The following XPC variants were observed in gnomAD, a reference collection of about 807,000 sequenced individuals.
XPC encodes the protein XPC complex subunit, DNA damage recognition and repair factor, also known as DNA repair protein complementing XP-C cells.
In XPC, 76 loss-of-function variants were observed where a neutral mutation model predicts 95.8. The ratio of observed to expected loss-of-function variants is 0.79; its 90% CI spans 0.66 to 0.96. The LOEUF (loss-of-function observed/expected upper bound fraction) is 0.96. XPC is among the 40% of genes least tolerant of loss of function. The pLI is 0.00. For missense variants in XPC, 1,146 were observed against 1,179.8 expected (o/e 0.97, Z 0.42); for synonymous variants, 442 against 442.1 (o/e 1.00, Z 0.00).
Position 14,145,803 on chromosome 3 carries a change from G to C in XPC, c.*138C>G, listed in dbSNP as rs747625767. The C allele has an allele frequency of 9.2e-7, 1 of 1,088,004 alleles. No individual in the cohort carries two copies. The highest frequency in any genetic ancestry group is 1.6e-5 in the African/African-American group (1 of 63,918). 67.4% of individuals were successfully genotyped at this position (1,088,004 alleles called of 1,614,324 possible). ...GCTTGGCCTCGTCTCCCCTGACCCC[G>C]CCTCCGTGCATGCTGCCTCAGTTTG... is the stretch of plus-strand genomic sequence containing the variant. On this transcript the variant is annotated 3_prime_UTR_variant, in exon 16 of 16. Transcript: ENST00000285021.
chr3:14,163,077 T>C (rs113674093), intron 7 of XPC, among the ~76,000 whole-genome samples: 6 of 152,352 alleles, frequency 3.9e-5, no homozygotes, highest in African/African-American at 1.4e-4. Flanking sequence ...TTGACACCCA[T>C]CATAATGACT....
intron 7 of XPC, among the ~76,000 whole-genome samples, chr3:14,162,377 A>G (rs1696200284): frequency 1.3e-5 from 2 of 152,246 alleles, no homozygotes; most frequent in African/African-American, 2.4e-5. Context: ...TGATTTCGCA[A>G]CTTACTACAA....
rs1162432056 is a variant in XPC at position 14,147,986 on chromosome 3, G to A, written c.2436C>T (p.Ile812=). The change falls in exon 14 of 16, where the codon ATC becomes ATT. Residue 812 remains isoleucine, a synonymous_variant. Coordinates refer to ENST00000285021, the MANE Select transcript of XPC (RefSeq NM_004628.5). ...GYSHPVTDGY[I]VCEEFKDVLL... is the part of the protein sequence containing the mutation. ...GCACGTCTTTGAATTCCTCGCAGAC[G>A]ATGTATCCATCAGTCCTGTGGGGAC... 3.8e-6 allele frequency: 6 copies of A among 1,589,408 alleles called. No homozygotes were observed. Among genetic ancestry groups the A allele is most frequent in the South Asian group, 1.1e-5 (1 of 87,410 alleles).
At chr3:14,157,193 T>C (rs1006810785) in intron 9 of XPC, among the ~76,000 whole-genome samples, 2 of 152,196 alleles carry the variant, frequency 1.3e-5, no homozygotes, top group Admixed American at 6.5e-5. Flanking sequence ...CTGTCATTAC[T>C]AAGTAAAATG....
intron 7 of XPC, among the ~76,000 whole-genome samples, chr3:14,162,606 T>G (rs1411800761): frequency 6.6e-6 from 1 of 152,218 alleles, no homozygotes; most frequent in Non-Finnish European, 1.5e-5. Flanking sequence ...ATTGAACACC[T>G]ACCTGATATA....
At chr3:14,151,114 T>C (rs527799993) in intron 11 of XPC, among the ~76,000 whole-genome samples, 3 of 152,104 alleles carry the variant, frequency 2.0e-5, no homozygotes, top group East Asian at 1.9e-4. Flanking sequence ...TTTGAGAGAT[T>C]TGGGATTCCA....
chr3:14,166,143 G>A (rs1696369599), intron 5 of XPC, among the ~76,000 whole-genome samples: 1 of 151,992 alleles, frequency 6.6e-6, no homozygotes, highest in African/African-American at 2.4e-5. Context: ...ATGATTATAT[G>A]ACCTCTTCAC....
intron 5 of XPC, among the ~76,000 whole-genome samples, chr3:14,166,890 T>A (rs890658710): frequency 6.6e-6 from 1 of 152,190 alleles, no homozygotes; most frequent in Admixed American, 6.5e-5. Context: ...ATTAATGACA[T>A]TAAATGGCTG....
In XPC at chr3:14,156,346, C is replaced by T. The variant is rs200278513; in HGVS notation, c.2022G>A (p.Ala674=). 4.5e-5 allele frequency: 73 copies of T among 1,613,494 alleles called. No individual in the cohort carries two copies. Among genetic ancestry groups the T allele is most frequent in the South Asian group, 1.3e-4 (12 of 91,022 alleles). Residue 674 remains alanine, a synonymous_variant, in exon 10 of 16, where the codon GCG becomes GCA. Coordinates refer to ENST00000285021, the MANE Select transcript of XPC (RefSeq NM_004628.5). The stretch of plus-strand genomic sequence containing the variant: ...GCTGCCTCACGCACCTGGAGTAGAC[C>T]GCTTCTCCACGACAATACCCAAGGA... The part of the protein sequence containing the change: ...AAILGYCRGE[A]VYSRDCVHTL...
chr3:14,174,381 A>G (rs1159816656), intron 1 of XPC, among the ~76,000 whole-genome samples: 1 of 151,042 alleles, frequency 6.6e-6, no homozygotes, highest in Non-Finnish European at 1.5e-5. Context: ...TTACAATGGT[A>G]GTTAGCCCTC....
At chr3:14,169,780 C>T (rs995864505) in intron 3 of XPC, among the ~76,000 whole-genome samples, 7 of 152,158 alleles carry the variant, frequency 4.6e-5, no homozygotes, top group African/African-American at 1.7e-4. Context: ...AACATACATT[C>T]AATGTGGCAA....
At position 14,146,040 on chromosome 3, in the gene XPC, T is replaced by C. The variant is rs757354867; in HGVS notation, c.2724A>G (p.Arg908=). 6.2e-7 allele frequency: 1 copy of C among 1,612,752 alleles called. No individual in the cohort carries two copies. Among genetic ancestry groups the C allele is most frequent in the South Asian group, 1.1e-5 (1 of 90,966 alleles). ...TCAGCTTCTGCTTTTCTTCATCTTC[T>C]CGGTTTTGAGGCCAGGAGGCAGCCA... The part of the protein sequence containing the change: ...RILAASWPQN[R]EDEEKQKLKG... Residue 908 remains arginine, a synonymous_variant, in exon 16 of 16, where the codon CGA becomes CGG. Transcript: ENST00000285021.
rs761715466 is a variant in XPC at position 14,164,800 on chromosome 3, G to A, written c.900+13C>T. ...GTACTGATAAAAAACAGTGATCCGG[G>A]AGGATCACTTACATGGACCAATTCC... On this transcript the variant is annotated intron_variant, in intron 7 of 15. Transcript: ENST00000285021. The A allele has an allele frequency of 1.2e-6, 2 of 1,611,034 alleles. No individual in the cohort carries two copies. The highest frequency in any genetic ancestry group is 1.7e-6 in the Non-Finnish European group (2 of 1,178,408).
Position 14,147,434 on chromosome 3 carries a change from A to G in XPC, c.2515-55T>C, listed in dbSNP as rs1048128627. The G allele has an allele frequency of 3.3e-6, 5 of 1,497,554 alleles. No homozygotes were observed. The African/African-American group carries it at 4.2e-5, about 13-fold the overall frequency. 92.8% of individuals were successfully genotyped at this position (1,497,554 alleles called of 1,614,324 possible). On this transcript the variant is annotated intron_variant, in intron 14 of 15. Coordinates refer to ENST00000285021, the MANE Select transcript of XPC (RefSeq NM_004628.5). ...TGTTAAGCACTGACATTTTCAGGAA[A>G]AATATTAAGATGGAAACTGTGAATG...
rs961326230 is a variant in XPC, at chr3:14,145,496, G to A, written c.*445C>T. ...GAGAAATGGTCCTAGGTCCGCAACC[G>A]AGGCGAGTGAACTTGTCGGACAGAT... On this transcript the variant is annotated 3_prime_UTR_variant, in exon 16 of 16. Transcript: ENST00000285021. 8 of 698,002 alleles carry A rather than the reference G, an allele frequency of 1.1e-5. No individual in the cohort carries two copies. The highest frequency in any genetic ancestry group is 3.5e-5 in the African/African-American group (2 of 57,078). The allele number at this position is 698,002 out of a possible 1,614,324, so 43.2% of individuals were successfully genotyped here. A position where few individuals can be genotyped will look rare whatever the true frequency, so the allele number is the denominator to read the frequency against.
intron 6 of XPC, among the ~76,000 whole-genome samples, chr3:14,165,155 T>C (rs1419014997): frequency 1.3e-5 from 2 of 152,122 alleles, no homozygotes; most frequent in Non-Finnish European, 2.9e-5. Flanking sequence ...AAAGCGCCCC[T>C]GCTATGTGAG....
Position 14,158,383 on chromosome 3 carries a change from T to C in XPC, c.1500A>G (p.Ala500=). The change falls in exon 9 of 16, where the codon GCA becomes GCG. Residue 500 remains alanine (A), a synonymous_variant. Transcript: ENST00000285021. The surrounding 1 kb of genome is among the most constrained non-coding windows in gnomAD (Gnocchi z 5.2). ...SHRKDPSLPA[A]SSSSSSSKRG... ...TTTTACTGCTTGAAGAGCTTGAGGA[T>C]GCCGCTGGCAAGCTTGGGTCCTTAC... 6.2e-7 allele frequency: 1 copy of C among 1,613,938 alleles called. No homozygotes were observed.
rs949163216 is a variant in XPC at position 14,165,062 on chromosome 3, C to G, written c.780-129G>C. Reference sequence around the variant, plus strand: ...TGCCTCTGTCCTACTTTCCCCAGCCCGTCTAGCTAACTCCTATCATCACTG... The same window carrying G: ...TGCCTCTGTCCTACTTTCCCCAGCCGGTCTAGCTAACTCCTATCATCACTG... On this transcript the variant is annotated intron_variant, in intron 6 of 15. Transcript: ENST00000285021. 6.6e-6 allele frequency: 9 copies of G among 1,359,182 alleles called. No homozygotes were observed. In the African/African-American group the frequency reaches 1.3e-4, roughly 20 times the overall value. The allele number at this position is 1,359,182 out of a possible 1,614,324, so 84.2% of individuals were successfully genotyped here. A position where few individuals can be genotyped will look rare whatever the true frequency, so the allele number is the denominator to read the frequency against.
chr3:14,170,371 C>T (rs1696559698), intron 3 of XPC, 67 bp downstream of exon 3: 2 of 1,482,990 alleles, frequency 1.3e-6, no homozygotes, highest in Middle Eastern at 1.7e-4. Context: ...TGATCTGACT[C>T]CAAACAGAAT....
Sources: allele counts gnomAD v4.1 joint callset (sites outside exome capture counted in the v4.1 genomes callset), GRCh38; gene constraint gnomAD v4.1.1; non-coding constraint Gnocchi (gnomAD v3.1); transcripts MANE v1.5; gene names NCBI Gene and HGNC (gene_info 2026-07-23, HGNC 2026-07-21).